UBR3: variants seen among roughly 807,000 people sequenced by gnomAD.
UBR3 encodes ubiquitin protein ligase E3 component n-recognin 3, also known as E3 ubiquitin-protein ligase UBR3.
A neutral mutation model predicts 243.2 loss-of-function variants in UBR3; 85 were observed. The observed-to-expected ratio is 0.35, with a 90% CI of 0.29 to 0.42. UBR3 has a LOEUF of 0.42. UBR3 is among the 10% of genes least tolerant of loss of function. The probability of loss-of-function intolerance (pLI) is 1.00; values close to 1 mark genes in which losing one functional copy is unlikely to be tolerated. For synonymous variants in UBR3, 748 were observed against 799.8 expected, an observed-to-expected ratio of 0.94 and a Z score of 1.09; for missense variants, 1,686 against 2,300.8, an observed-to-expected ratio of 0.73 and a Z score of 5.47.
At position 169,914,142 on chromosome 2, in the gene UBR3, A is replaced by C. The variant is rs1484613554; in HGVS notation, c.1862A>C (p.Asp621Ala). The C allele has an allele frequency of 3.3e-6, 5 of 1,495,474 alleles. No homozygotes were observed. The highest frequency in any genetic ancestry group is 4.5e-6 in the Non-Finnish European group (5 of 1,120,238). 92.6% of individuals were successfully genotyped at this position (1,495,474 alleles called of 1,614,324 possible). Residue 621 changes from aspartate to alanine, a missense_variant, in exon 11 of 39, where the codon GAC (aspartate) becomes GCC (alanine). Asp to Ala is a moderately radical substitution (Grantham distance 126, BLOSUM62 -2). This residue lies in a region of UBR3 where 346 missense variants were observed against 585.8 expected (regional missense o/e 0.59). Coordinates refer to ENST00000272793, the MANE Select transcript of UBR3 (RefSeq NM_172070.4). Reference sequence around the variant, plus strand: ...TGGTTTGATGCTATTAACTTCGTAGACGAGGTATGTATATTTTTGATGTAT... The same window carrying C: ...TGGTTTGATGCTATTAACTTCGTAGCCGAGGTATGTATATTTTTGATGTAT... ...QDWFDAINFV[D>A]EPAPNQVTFH...
intron 32 of UBR3, among the ~76,000 whole-genome samples, chr2:170,046,516 A>G (rs2091092100): frequency 6.6e-6 from 1 of 152,196 alleles, no homozygotes; most frequent in African/African-American, 2.4e-5. Flanking sequence ...TGTCCTACAG[A>G]CTGGCAGATA....
chr2:169,963,002 G>A (rs1392814679), intron 24 of UBR3, among the ~76,000 whole-genome samples: 1 of 152,160 alleles, frequency 6.6e-6, no homozygotes, highest in Non-Finnish European at 1.5e-5. Flanking sequence ...GAGAAGGGCT[G>A]ACTGCTCTAG....
At chr2:169,875,459 G>A (rs995978158) in intron 2 of UBR3, among the ~76,000 whole-genome samples, 1 of 152,238 alleles carries the variant, frequency 6.6e-6, no homozygotes, top group East Asian at 1.9e-4. Flanking sequence ...CTCCTGAGTA[G>A]CTGGGACTAC....
intron 5 of UBR3, among the ~76,000 whole-genome samples, chr2:169,882,369 AAATATATATTATATAT>A (rs2083921543): frequency 7.1e-6 from 1 of 141,276 alleles, no homozygotes; most frequent in Admixed American, 7.5e-5. Flanking sequence ...TTATATATGT[AAATATATATTATATAT>A]AAAAATATAT....
At chr2:169,894,242 G>A (rs534630063) in intron 6 of UBR3, among the ~76,000 whole-genome samples, 51 of 143,432 alleles carry the variant, frequency 3.6e-4, no homozygotes, top group African/African-American at 1.2e-3. Flanking sequence ...AGGATAACTT[G>A]AGCTGAGGAG....
In UBR3 at chr2:169,877,758, TAAGAA is replaced by T. The variant is rs1292461128; in HGVS notation, c.988+125_988+129del. 1.2e-5 allele frequency: 12 copies of T among 989,272 alleles called. No homozygotes were observed. The African/African-American group carries it at 2.1e-4, about 17-fold the overall frequency. The allele number at this position is 989,272 out of a possible 1,614,324, so 61.3% of individuals were successfully genotyped here. A position where few individuals can be genotyped will look rare whatever the true frequency, so the allele number is the denominator to read the frequency against. On this transcript the variant is annotated intron_variant, in intron 4 of 38. Coordinates refer to ENST00000272793, the MANE Select transcript of UBR3 (RefSeq NM_172070.4). ...TGAACTAAAACAGTATTATTCTTTTTAAGAAAAGTAATAAAAGTAGTAAAAATTTA... is the reference window on the plus strand; with the variant it reads ...TGAACTAAAACAGTATTATTCTTTTTAAGTAATAAAAGTAGTAAAAATTTA...
At chr2:169,894,117 G>C (rs904593565) in intron 6 of UBR3, among the ~76,000 whole-genome samples, 3 of 151,698 alleles carry the variant, frequency 2.0e-5, no homozygotes, top group Non-Finnish European at 4.4e-5. Context: ...TAATAATAAA[G>C]AAATGTAGCC....
intron 31 of UBR3, among the ~76,000 whole-genome samples, chr2:170,032,269 CAAAAA>C (rs2090692625): frequency 1.7e-5 from 1 of 57,890 alleles, no homozygotes. Flanking sequence ...TTGTTAAAAA[CAAAAA>C]CAAAAACAGT....
intron 1 of UBR3, among the ~76,000 whole-genome samples, chr2:169,861,851 T>G (rs2083103798): frequency 6.6e-6 from 1 of 152,152 alleles, no homozygotes; most frequent in African/African-American, 2.4e-5. Context: ...CATTTTACAT[T>G]TACCTTTTTG....
chr2:169,828,472 G>A (rs1184224135), intron 1 of UBR3, among the ~76,000 whole-genome samples: 4 of 152,108 alleles, frequency 2.6e-5, no homozygotes, highest in African/African-American at 9.7e-5. Context: ...GGGAGGGGAT[G>A]TTATTGGGGA....
At chr2:169,912,195 C>T (rs1396673736) in intron 10 of UBR3, among the ~76,000 whole-genome samples, 2 of 144,626 alleles carry the variant, frequency 1.4e-5, no homozygotes, top group Admixed American at 7.2e-5. Context: ...ACGTGATGCC[C>T]CAAAATATCT....
At position 169,923,994 on chromosome 2, in the gene UBR3, G is replaced by A. The variant is rs984981165; in HGVS notation, c.1932G>A (p.Lys644=). ...GTTACTATGCTATGTTTTTGAGTAA[G>A]GTAAGACTGTCATTAAACAATTCTG... is the stretch of plus-strand genomic sequence containing the variant. The part of the protein sequence containing the change: ...LHRYYAMFLS[K]AVKCQELDLD... The change falls in exon 12 of 39, where the codon AAG becomes AAA. Residue 644 remains lysine (K), a splice_region_variant and synonymous_variant. Transcript: ENST00000272793. The A allele has an allele frequency of 2.6e-6, 4 of 1,539,848 alleles. No homozygotes were observed. Among genetic ancestry groups the A allele is most frequent in the Non-Finnish European group, 3.5e-6 (4 of 1,143,934 alleles).
intron 24 of UBR3, among the ~76,000 whole-genome samples, chr2:169,960,001 A>G (rs548142023): frequency 6.6e-6 from 1 of 152,266 alleles, no homozygotes; most frequent in East Asian, 1.9e-4. Context: ...CTGTAATCCC[A>G]GCACTTTGGG....
chr2:169,891,532 C>G (rs546974421), intron 6 of UBR3, among the ~76,000 whole-genome samples: 99 of 151,534 alleles, frequency 6.5e-4, no homozygotes, highest in African/African-American at 2.3e-3. Flanking sequence ...GTAGTTTGGC[C>G]TAGTTCCTTT....
intron 24 of UBR3, among the ~76,000 whole-genome samples, chr2:169,972,628 G>T (rs1409576239): frequency 6.6e-6 from 1 of 152,192 alleles, no homozygotes; most frequent in Non-Finnish European, 1.5e-5. Context: ...ATCAATAAAT[G>T]TAATCCAGCG....
intron 1 of UBR3, among the ~76,000 whole-genome samples, chr2:169,840,462 C>A (rs1342823022): frequency 6.6e-6 from 1 of 152,198 alleles, no homozygotes; most frequent in Non-Finnish European, 1.5e-5. Flanking sequence ...TGGGTGCAGT[C>A]CACACTGTAC....
chr2:169,874,935 G>A (rs2083552124), intron 2 of UBR3, among the ~76,000 whole-genome samples: 2 of 151,638 alleles, frequency 1.3e-5, no homozygotes, highest in Admixed American at 1.3e-4. Context: ...TTTAGACCTC[G>A]GCTTCTGTAA....
chr2:170,055,669 CA>C, intron 33 of UBR3, 85 bp downstream of exon 33: 1 of 1,493,910 alleles, frequency 6.7e-7, no homozygotes, highest in Non-Finnish European at 9.0e-7. Context: ...GTAGGTGTTA[CA>C]AAATGAGTTA....
chr2:169,936,482 A>G (rs960660768), intron 19 of UBR3, among the ~76,000 whole-genome samples: 7 of 151,610 alleles, frequency 4.6e-5, no homozygotes, highest in Non-Finnish European at 5.9e-5. Flanking sequence ...TCTTCATTCT[A>G]TGTAGTATTT....
Sources: allele counts gnomAD v4.1 joint callset (sites outside exome capture counted in the v4.1 genomes callset), GRCh38; gene constraint gnomAD v4.1.1; regional missense constraint gnomAD v4.1.1; transcripts MANE v1.5; gene names NCBI Gene and HGNC (gene_info 2026-07-23, HGNC 2026-07-21).